C21orf91: variants seen among roughly 807,000 people sequenced by gnomAD.
C21orf91 encodes the protein chromosome 21 open reading frame 91, also known as protein EURL homolog.
C21orf91 carries 26 observed loss-of-function variants against 32.9 expected under a neutral mutation model. The ratio of observed to expected loss-of-function variants is 0.79; its 90% CI spans 0.58 to 1.10. C21orf91 has a LOEUF of 1.10. Among genes scored for constraint, C21orf91 ranks in the 50% least tolerant of loss-of-function variants. The pLI is 0.00. For synonymous variants in C21orf91, 126 were observed against 120.4 expected, an observed-to-expected ratio of 1.05 and a Z score of -0.31; for missense variants, 310 against 341.3, an observed-to-expected ratio of 0.91 and a Z score of 0.72.
chr21:17,793,318 A>G lies in C21orf91; in HGVS notation c.*97T>C, dbSNP rs976054780. 5.5e-6 allele frequency: 5 copies of G among 912,438 alleles called. No individual in the cohort carries two copies. The highest frequency in any genetic ancestry group is 7.9e-6 in the Non-Finnish European group (5 of 632,540). The allele number at this position is 912,438 out of a possible 1,614,324, so 56.5% of individuals were successfully genotyped here. ...CTTATGTTTGGCAAATTTAATGACCATAAAAAAACGGACCACAACTTTCTT... is the reference window on the plus strand; with the variant it reads ...CTTATGTTTGGCAAATTTAATGACCGTAAAAAAACGGACCACAACTTTCTT... On this transcript the variant is annotated 3_prime_UTR_variant, in exon 5 of 5. Coordinates refer to ENST00000284881, the MANE Select transcript of C21orf91 (RefSeq NM_001100420.2).
chr21:17,806,832 T>A (rs1667924444), intron 2 of C21orf91, among the ~76,000 whole-genome samples: 1 of 151,452 alleles, frequency 6.6e-6, no homozygotes, highest in Non-Finnish European at 1.5e-5. Flanking sequence ...AAAGCGACAC[T>A]GCACTCCAGC....
chr21:17,801,333 C>G (rs978750172), intron 2 of C21orf91, among the ~76,000 whole-genome samples: 10 of 150,866 alleles, frequency 6.6e-5, no homozygotes, highest in African/African-American at 2.4e-4. Flanking sequence ...TGCAGTGGTG[C>G]GATCTCGGCT....
rs187330202 is a variant in C21orf91, at chr21:17,790,668, A to T, written c.*2747T>A. ...TGCTGCCTGAATCATCTATTACTGG[A>T]GTCTCAAGTGCATGCCTTTTAAAAA... is the stretch of plus-strand genomic sequence containing the variant. On this transcript the variant is annotated 3_prime_UTR_variant, in exon 5 of 5. Coordinates refer to ENST00000284881, the MANE Select transcript of C21orf91 (RefSeq NM_001100420.2). 6.6e-5 allele frequency: 10 copies of T among 152,236 alleles called. 1 individual carries two copies. The highest frequency in any genetic ancestry group is 3.3e-4 in the Admixed American group (5 of 15,296). The allele number at this position is 152,236 out of a possible 1,614,324, so 9.4% of individuals were successfully genotyped here.
intron 2 of C21orf91, among the ~76,000 whole-genome samples, chr21:17,816,640 C>G (rs1189961077): frequency 6.6e-6 from 1 of 152,208 alleles, no homozygotes; most frequent in Admixed American, 6.5e-5. Flanking sequence ...AGGTTCAGTT[C>G]TATCACATTT....
intron 2 of C21orf91, among the ~76,000 whole-genome samples, chr21:17,804,052 C>T (rs897961057): frequency 2.0e-5 from 3 of 152,160 alleles, no homozygotes; most frequent in South Asian, 2.1e-4. Context: ...AATCCATGTC[C>T]GGTCACCTGT....
At chr21:17,805,711 T>C (rs775506567) in intron 2 of C21orf91, among the ~76,000 whole-genome samples, 1 of 152,216 alleles carries the variant, frequency 6.6e-6, no homozygotes, top group Non-Finnish European at 1.5e-5. Flanking sequence ...ATTTGGACTA[T>C]AAGGTTTAAT....
In C21orf91 at chr21:17,796,927, C is replaced by T. The variant is rs762497864; in HGVS notation, c.319G>A (p.Asp107Asn). Reference sequence around the variant, plus strand: ...TTTTTAGAACATTCAGAATCTGAATCCAGATCCTTATTTTGTGCATACTGC... The same window carrying T: ...TTTTTAGAACATTCAGAATCTGAATTCAGATCCTTATTTTGTGCATACTGC... ...IVQYAQNKDLDSDSECSKNPQ... is the reference protein window; with the variant it reads ...IVQYAQNKDLNSDSECSKNPQ... The change falls in exon 3 of 5, where the codon GAT (aspartate) becomes AAT (asparagine). Residue 107 changes from aspartate (D) to asparagine (N), a missense_variant. Transcript: ENST00000284881. 6.2e-7 allele frequency: 1 copy of T among 1,612,592 alleles called. No individual in the cohort carries two copies. Among genetic ancestry groups the T allele is most frequent in the Non-Finnish European group, 8.5e-7 (1 of 1,178,796 alleles).
In C21orf91 at chr21:17,792,772, A is replaced by G; in HGVS notation, c.*643T>C. The G allele has an allele frequency of 6.5e-6, 1 of 152,764 alleles. No homozygotes were observed. Among genetic ancestry groups the G allele is most frequent in the Non-Finnish European group, 1.5e-5 (1 of 68,022 alleles). The allele number at this position is 152,764 out of a possible 1,614,324, so 9.5% of individuals were successfully genotyped here. Reference sequence around the variant, plus strand: ...TTAAAAAGTTATTAATTCTTCTTTTACAAGAGGTATTAGAAATTAAAACAA... The same window carrying G: ...TTAAAAAGTTATTAATTCTTCTTTTGCAAGAGGTATTAGAAATTAAAACAA... On this transcript the variant is annotated 3_prime_UTR_variant, in exon 5 of 5. Coordinates refer to ENST00000284881, the MANE Select transcript of C21orf91 (RefSeq NM_001100420.2).
chr21:17,794,963 C>T (rs982561856), intron 4 of C21orf91, among the ~76,000 whole-genome samples: 8 of 150,412 alleles, frequency 5.3e-5, no homozygotes, highest in Middle Eastern at 3.4e-3. Flanking sequence ...GGGAGGATCA[C>T]CACTGCACTG....
intron 2 of C21orf91, among the ~76,000 whole-genome samples, chr21:17,802,376 G>C (rs1269664714): frequency 6.6e-6 from 1 of 152,118 alleles, no homozygotes; most frequent in African/African-American, 2.4e-5. Context: ...AGCCAGGCTG[G>C]TCTCAAACTC....
intron 2 of C21orf91, among the ~76,000 whole-genome samples, chr21:17,807,398 G>A (rs932919339): frequency 2.0e-5 from 3 of 152,176 alleles, no homozygotes; most frequent in African/African-American, 7.2e-5. Context: ...TATACAGCCT[G>A]TGGAACTGTG....
At chr21:17,806,228 C>T (rs376937717) in intron 2 of C21orf91, among the ~76,000 whole-genome samples, 1 of 152,140 alleles carries the variant, frequency 6.6e-6, no homozygotes, top group South Asian at 2.1e-4. Context: ...ATTACCATAA[C>T]ACGAACCTGC....
At chr21:17,811,123 G>C (rs2146260792) in intron 2 of C21orf91, among the ~76,000 whole-genome samples, 1 of 152,040 alleles carries the variant, frequency 6.6e-6, no homozygotes, top group East Asian at 1.9e-4. Flanking sequence ...CATTTTCTTT[G>C]GAAGCATAAA....
chr21:17,807,764 G>A (rs751251194), intron 2 of C21orf91, among the ~76,000 whole-genome samples: 4 of 152,176 alleles, frequency 2.6e-5, no homozygotes, highest in Non-Finnish European at 4.4e-5. Flanking sequence ...CCCCGGTCAA[G>A]GGATCTGTGG....
chr21:17,801,310 A>G (rs976805134), intron 2 of C21orf91, among the ~76,000 whole-genome samples: 4 of 150,632 alleles, frequency 2.7e-5, no homozygotes, highest in African/African-American at 4.9e-5. Flanking sequence ...TCGCTCTGTC[A>G]CCCAGGCTGG....
rs1329448883 is a variant in C21orf91, at chr21:17,819,349, C to A, written c.-54G>T. ...ACCGCCGTTCCGTGCGGCTCGGGTT[C>A]CTCCACTATTGTTTCCGGCCGCAGC... is the stretch of plus-strand genomic sequence containing the variant. On this transcript the variant is annotated 5_prime_UTR_variant, in exon 1 of 5. Transcript: ENST00000284881. The A allele has an allele frequency of 6.6e-6, 1 of 152,612 alleles. No homozygotes were observed. Among genetic ancestry groups the A allele is most frequent in the South Asian group, 2.1e-4 (1 of 4,838 alleles). The allele number at this position is 152,612 out of a possible 1,614,324, so 9.5% of individuals were successfully genotyped here. A position where few individuals can be genotyped will look rare whatever the true frequency, so the allele number is the denominator to read the frequency against.
Position 17,793,319 on chromosome 21 carries a change from T to C in C21orf91, c.*96A>G. 2 of 931,648 alleles carry C rather than the reference T, an allele frequency of 2.1e-6. No individual in the cohort carries two copies. The highest frequency in any genetic ancestry group is 3.1e-6 in the Non-Finnish European group (2 of 649,044). The allele number at this position is 931,648 out of a possible 1,614,324, so 57.7% of individuals were successfully genotyped here. A position where few individuals can be genotyped will look rare whatever the true frequency, so the allele number is the denominator to read the frequency against. ...TTATGTTTGGCAAATTTAATGACCA[T>C]AAAAAAACGGACCACAACTTTCTTC... On this transcript the variant is annotated 3_prime_UTR_variant, in exon 5 of 5. Transcript: ENST00000284881.
rs879431635 is a variant in C21orf91, at chr21:17,788,984, CTTATT to C, written c.*4426_*4430del. Reference sequence around the variant, plus strand: ...ACTCAAGCTAGCAGATAACAAAATACTTATTTTATTGTTGTAAAATTAAAAATAGT... The same window carrying C: ...ACTCAAGCTAGCAGATAACAAAATACTTATTGTTGTAAAATTAAAAATAGT... On this transcript the variant is annotated 3_prime_UTR_variant, in exon 5 of 5. Coordinates refer to ENST00000284881, the MANE Select transcript of C21orf91 (RefSeq NM_001100420.2). 1 of 152,046 alleles carries C rather than the reference CTTATT, an allele frequency of 6.6e-6. No homozygotes were observed. The highest frequency in any genetic ancestry group is 2.4e-5 in the African/African-American group (1 of 41,404). The allele number at this position is 152,046 out of a possible 1,614,324, so 9.4% of individuals were successfully genotyped here.
chr21:17,818,174 A>G lies in C21orf91; in HGVS notation c.127+18T>C. On this transcript the variant is annotated intron_variant, in intron 2 of 4. Transcript: ENST00000284881. ...GTTAAATTCATTCCATAAGATCAAA[A>G]CTATACTGTGTCCTTACCCTCAATA... 6.3e-7 allele frequency: 1 copy of G among 1,596,564 alleles called. No homozygotes were observed. Among genetic ancestry groups the G allele is most frequent in the Non-Finnish European group, 8.6e-7 (1 of 1,165,648 alleles).
Sources: allele counts gnomAD v4.1 joint callset (sites outside exome capture counted in the v4.1 genomes callset), GRCh38; gene constraint gnomAD v4.1.1; transcripts MANE v1.5; gene names NCBI Gene and HGNC (gene_info 2026-07-23, HGNC 2026-07-21).